KCND2: variants seen among roughly 807,000 people sequenced by gnomAD.
KCND2 encodes A-type voltage-gated potassium channel KCND2.
Under a neutral mutation model 54.4 loss-of-function variants are expected in KCND2, and 16 were observed. The observed-to-expected ratio is 0.29, with a 90% CI of 0.20 to 0.45. The LOEUF is 0.45. Among genes scored for constraint, KCND2 ranks in the 20% least tolerant of loss-of-function variants. The probability of loss-of-function intolerance (pLI) is 1.00; values close to 1 mark genes in which losing one functional copy is unlikely to be tolerated. For missense variants in KCND2, 486 were observed against 824.2 expected (o/e 0.59, Z 5.02); for synonymous variants, 317 against 310.7 (o/e 1.02, Z -0.21).
At chr7:120,613,951 T>C (rs1035659236) in intron 1 of KCND2, among the ~76,000 whole-genome samples, 3 of 152,248 alleles carry the variant, frequency 2.0e-5, no homozygotes, top group African/African-American at 7.2e-5. Context: ...AGTCTACAAA[T>C]TATTTATGTA....
Position 120,595,485 on chromosome 7 carries a change from A to G in KCND2, c.1116-137418A>G, listed in dbSNP as rs866077234. On this transcript the variant is annotated intron_variant, in intron 1 of 5. Coordinates refer to ENST00000331113, the MANE Select transcript of KCND2 (RefSeq NM_012281.3). ...AATATATATATATATATATATGTGT[A>G]TATATATATATATGTGTGTGTGTGT... Among the ~76,000 whole-genome samples the G allele has an allele frequency of 4.9e-3, 603 of 123,490 alleles. 10 individuals are homozygous for G. The highest frequency in any genetic ancestry group is 0.026 in the African/African-American group (566 of 21,588). 81.0% of individuals were successfully genotyped at this position (123,490 alleles called of 152,430 possible). A position where few individuals can be genotyped will look rare whatever the true frequency, so the allele number is the denominator to read the frequency against.
intron 1 of KCND2, among the ~76,000 whole-genome samples, chr7:120,576,564 T>C (rs1272504570): frequency 6.6e-6 from 1 of 152,178 alleles, no homozygotes; most frequent in Non-Finnish European, 1.5e-5. Flanking sequence ...CAAGTACAAA[T>C]TTAAACTTCC....
intron 2 of KCND2, among the ~76,000 whole-genome samples, chr7:120,739,195 T>C (rs942921991): frequency 3.9e-5 from 6 of 152,020 alleles, no homozygotes; most frequent in Non-Finnish European, 8.8e-5. Flanking sequence ...AAAACAGTTT[T>C]ACCCAATGCT....
intron 1 of KCND2, among the ~76,000 whole-genome samples, chr7:120,601,828 C>T (rs955535417): frequency 1.3e-5 from 2 of 152,154 alleles, no homozygotes; most frequent in African/African-American, 4.8e-5. Context: ...CCACACTGAA[C>T]TACACTATCC....
chr7:120,638,898 G>A (rs905669856), intron 1 of KCND2, among the ~76,000 whole-genome samples: 21 of 152,314 alleles, frequency 1.4e-4, no homozygotes, highest in African/African-American at 4.3e-4. Context: ...TATATGTGGT[G>A]TGTGTGTATG....
chr7:120,747,103 C>A (rs890174644), intron 5 of KCND2, among the ~76,000 whole-genome samples: 4 of 152,114 alleles, frequency 2.6e-5, no homozygotes, highest in African/African-American at 9.7e-5. Flanking sequence ...CCTTCTCTCT[C>A]ATTTCCCTTT....
intron 1 of KCND2, among the ~76,000 whole-genome samples, chr7:120,473,380 G>A (rs368838586): frequency 1.3e-5 from 2 of 152,124 alleles, no homozygotes; most frequent in South Asian, 2.1e-4. Context: ...AGAGGATTTC[G>A]GTCCGGTTTT....
chr7:120,452,982 C>T (rs1182795528), intron 1 of KCND2, among the ~76,000 whole-genome samples: 7 of 152,164 alleles, frequency 4.6e-5, no homozygotes, highest in East Asian at 1.9e-4. Context: ...GATGCTCAAA[C>T]GGGGTGCTCC....
At chr7:120,677,596 A>G (rs1365449376) in intron 1 of KCND2, among the ~76,000 whole-genome samples, 1 of 150,000 alleles carries the variant, frequency 6.7e-6, no homozygotes, top group Non-Finnish European at 1.5e-5. Context: ...TAAAATACTC[A>G]ATGCTAATTT....
intron 1 of KCND2, among the ~76,000 whole-genome samples, chr7:120,407,685 GTTA>G (rs1339863919): frequency 6.6e-5 from 10 of 151,214 alleles, no homozygotes; most frequent in East Asian, 3.9e-4. Context: ...TAAATATTCA[GTTA>G]TTATGTAGTA....
Position 120,575,456 on chromosome 7 carries a change from C to A in KCND2, c.1116-157447C>A, listed in dbSNP as rs879812231. Reference sequence around the variant, plus strand: ...CTTGCTTTTATCCGAGCCACACTGGCAGCTGATTAGCTGTTCCCACCCAGA... The same window carrying A: ...CTTGCTTTTATCCGAGCCACACTGGAAGCTGATTAGCTGTTCCCACCCAGA... On this transcript the variant is annotated intron_variant, in intron 1 of 5. Coordinates refer to ENST00000331113, the MANE Select transcript of KCND2 (RefSeq NM_012281.3). 5.3e-4 allele frequency among the ~76,000 whole-genome samples: 80 copies of A among 152,254 alleles called. 1 individual carries two copies. Among genetic ancestry groups the A allele is most frequent in the African/African-American group, 1.8e-3 (75 of 41,530 alleles).
In KCND2 at chr7:120,275,544, C is replaced by T. The variant is rs958847557; in HGVS notation, c.912C>T (p.Ser304=). The T allele has an allele frequency of 1.2e-6, 2 of 1,612,946 alleles. No individual in the cohort carries two copies. The highest frequency in any genetic ancestry group is 1.7e-6 in the Non-Finnish European group (2 of 1,179,316). The change falls in exon 1 of 6, where the codon TCC becomes TCT. Residue 304 remains serine, a synonymous_variant. Coordinates refer to ENST00000331113, the MANE Select transcript of KCND2 (RefSeq NM_012281.3). ...GGGTCTTCAGGATCTTTAAGTTTTCCCGCCACTCTCAAGGCCTGCGCATCC... is the reference window on the plus strand; with the variant it reads ...GGGTCTTCAGGATCTTTAAGTTTTCTCGCCACTCTCAAGGCCTGCGCATCC... ...VFRVFRIFKF[S]RHSQGLRILG...
intron 1 of KCND2, among the ~76,000 whole-genome samples, chr7:120,567,067 A>G (rs1198169074): frequency 6.6e-6 from 1 of 151,930 alleles, no homozygotes; most frequent in East Asian, 1.9e-4. Context: ...TATCAGATTT[A>G]TTTATTTGAA....
intron 1 of KCND2, among the ~76,000 whole-genome samples, chr7:120,309,594 A>G (rs1466327985): frequency 6.6e-6 from 1 of 151,382 alleles, no homozygotes; most frequent in East Asian, 1.9e-4. Flanking sequence ...ACAGATCATT[A>G]TATGCCAGCT....
intron 1 of KCND2, among the ~76,000 whole-genome samples, chr7:120,326,309 T>C (rs773295543): frequency 1.3e-5 from 2 of 152,136 alleles, no homozygotes; most frequent in Non-Finnish European, 2.9e-5. Context: ...TTTATTACTT[T>C]ATGACAGAGA....
chr7:120,539,213 A>T (rs77862261), intron 1 of KCND2, among the ~76,000 whole-genome samples: 1 of 152,182 alleles, frequency 6.6e-6, no homozygotes, highest in Non-Finnish European at 1.5e-5. Context: ...ACATATTTAT[A>T]CTTTCTCATG....
chr7:120,547,773 C>CTA (rs951181085), intron 1 of KCND2, among the ~76,000 whole-genome samples: 6 of 152,024 alleles, frequency 3.9e-5, no homozygotes, highest in Non-Finnish European at 7.4e-5. Flanking sequence ...GTTGTCTGTG[C>CTA]TATAGAATGT....
At chr7:120,730,750 T>C (rs1258568121) in intron 1 of KCND2, among the ~76,000 whole-genome samples, 1 of 152,178 alleles carries the variant, frequency 6.6e-6, no homozygotes, top group East Asian at 1.9e-4. Flanking sequence ...TCACTAAATG[T>C]GGCACTAGAT....
chr7:120,459,532 G>A (rs1399803773), intron 1 of KCND2, among the ~76,000 whole-genome samples: 2 of 151,784 alleles, frequency 1.3e-5, no homozygotes, highest in Non-Finnish European at 2.9e-5. Context: ...TATTTATTTT[G>A]TGTGCCCTTT....
Sources: gnomAD v4.1 joint callset for allele counts (sites outside exome capture counted in the v4.1 genomes callset) on GRCh38, gnomAD v4.1.1 for gene constraint, MANE v1.5 for transcripts, NCBI Gene and HGNC (gene_info 2026-07-23, HGNC 2026-07-21) for gene names.